TEX10: variants seen among roughly 807,000 people sequenced by gnomAD.
TEX10 encodes the protein testis expressed 10.
Under a neutral mutation model 104.4 loss-of-function variants are expected in TEX10, and 24 were observed. The ratio of observed to expected loss-of-function variants is 0.23; its 90% CI spans 0.17 to 0.32. The LOEUF (loss-of-function observed/expected upper bound fraction) is 0.32. Ranked by LOEUF, TEX10 falls within the 10% of genes least tolerant of loss-of-function variation. TEX10 has a pLI of 1.00. For synonymous variants in TEX10, 396 were observed against 393.4 expected, an observed-to-expected ratio of 1.01 and a Z score of -0.08; for missense variants, 921 against 1,083.9, an observed-to-expected ratio of 0.85 and a Z score of 2.11.
intron 5 of TEX10, among the ~76,000 whole-genome samples, chr9:100,334,754 T>C (rs1238215955): frequency 6.6e-6 from 1 of 150,844 alleles, no homozygotes; most frequent in East Asian, 2.0e-4. Flanking sequence ...AACCTCCACC[T>C]CTGGGCTTCA....
chr9:100,319,624 G>A (rs1269761715), intron 11 of TEX10, among the ~76,000 whole-genome samples: 1 of 151,852 alleles, frequency 6.6e-6, no homozygotes, highest in Non-Finnish European at 1.5e-5. Flanking sequence ...GGCCAACATA[G>A]TAAAACCCCG....
At chr9:100,310,869 T>C (rs1278146013) in intron 11 of TEX10, among the ~76,000 whole-genome samples, 1 of 152,192 alleles carries the variant, frequency 6.6e-6, no homozygotes, top group East Asian at 1.9e-4. Context: ...ATAATTCATC[T>C]ACTAATCATA....
Position 100,346,114 on chromosome 9 carries a change from A to G in TEX10, c.1095T>C (p.Leu365=). 1 of 1,614,014 alleles carries G rather than the reference A, an allele frequency of 6.2e-7. No individual in the cohort carries two copies. Among genetic ancestry groups the G allele is most frequent in the Non-Finnish European group, 8.5e-7 (1 of 1,179,928 alleles). Residue 365 remains leucine (L), a synonymous_variant, in exon 4 of 15, where the codon CTT becomes CTC. Coordinates refer to ENST00000374902, the MANE Select transcript of TEX10 (RefSeq NM_017746.4). ...CCTGTTGTTTAGAGAGTTTCCACAG[A>G]AGGGAAATAATATTAAGAACTTGCT... ...VMQQVLNIIS[L]LWKLSKQQDE...
At position 100,302,238 on chromosome 9, in the gene TEX10, T is replaced by C; in HGVS notation, c.2743A>G (p.Ile915Val). The C allele has an allele frequency of 6.2e-7, 1 of 1,613,600 alleles. No individual in the cohort carries two copies. Among genetic ancestry groups the C allele is most frequent in the Non-Finnish European group, 8.5e-7 (1 of 1,179,692 alleles). Residue 915 changes from isoleucine to valine, a missense_variant, in exon 15 of 15, where the codon ATC (isoleucine) becomes GTC (valine). By Grantham distance (29) the Ile-to-Val change is conservative. Coordinates refer to ENST00000374902, the MANE Select transcript of TEX10 (RefSeq NM_017746.4). The part of the protein sequence containing the change: ...TDLHYCFNVY[I>V]TGHPQGPSAL... The stretch of plus-strand genomic sequence containing the variant: ...CTGGGCCCTTGGGGATGCCCAGTGA[T>C]ATACACGTTGAAGCAGTAATGTAAG...
chr9:100,329,474 T>C (rs1257744612), intron 6 of TEX10, among the ~76,000 whole-genome samples, 199 bp from the exon 7 acceptor site: 1 of 152,176 alleles, frequency 6.6e-6, no homozygotes, highest in Non-Finnish European at 1.5e-5. Flanking sequence ...AGTATAAATT[T>C]TCTTAACAAC....
intron 4 of TEX10, among the ~76,000 whole-genome samples, chr9:100,345,680 C>T (rs1835282966): frequency 6.6e-6 from 1 of 152,116 alleles, no homozygotes; most frequent in African/African-American, 2.4e-5. Context: ...TTCTACTAAA[C>T]CTGGCAATGT....
At chr9:100,313,930 AT>A (rs1316829858) in intron 11 of TEX10, among the ~76,000 whole-genome samples, 1 of 151,702 alleles carries the variant, frequency 6.6e-6, no homozygotes, top group African/African-American at 2.4e-5. Flanking sequence ...GTATCACGTG[AT>A]ACTGGTGTCA....
chr9:100,348,458 C>G (rs1291431753), intron 2 of TEX10, among the ~76,000 whole-genome samples: 4 of 152,204 alleles, frequency 2.6e-5, no homozygotes, highest in African/African-American at 9.6e-5. Flanking sequence ...TTAAGCAACA[C>G]TTCTCAAACT....
At chr9:100,352,332 G>C in intron 1 of TEX10, 1 of 1,548,458 alleles carries the variant, frequency 6.5e-7, no homozygotes, top group South Asian at 1.2e-5. Flanking sequence ...TAACTCTCCC[G>C]CCTGGGCGAC....
At chr9:100,302,676 A>G (rs1834022616) in intron 14 of TEX10, among the ~76,000 whole-genome samples, 1 of 151,992 alleles carries the variant, frequency 6.6e-6, no homozygotes, top group Non-Finnish European at 1.5e-5. Context: ...CCAACCAACA[A>G]TTTCTGTCAA....
rs1333089865 is a variant in TEX10 at position 100,347,371 on chromosome 9, C to T, written c.216G>A (p.Gly72=). The T allele has an allele frequency of 1.9e-6, 3 of 1,607,668 alleles. No homozygotes were observed. The highest frequency in any genetic ancestry group is 2.5e-6 in the Non-Finnish European group (3 of 1,177,024). Residue 72 remains glycine (G), a synonymous_variant, in exon 3 of 15, where the codon GGG becomes GGA. Transcript: ENST00000374902. ...GTCCAAGAAGAGCACTTTGTTTAAC[C>T]CCAGCATTGTAGTGATGCATCTGTG... ...LLSQMHHYNA[G]VKQSALLGLK...
intron 1 of TEX10, among the ~76,000 whole-genome samples, chr9:100,351,829 A>C (rs1364004613): frequency 6.6e-6 from 1 of 152,226 alleles, no homozygotes; most frequent in Non-Finnish European, 1.5e-5. Context: ...CTAGTAATTG[A>C]CTTTAACTTA....
chr9:100,342,869 C>T (rs757777191), intron 4 of TEX10, among the ~76,000 whole-genome samples: 14 of 152,046 alleles, frequency 9.2e-5, no homozygotes, highest in Non-Finnish European at 1.6e-4. Flanking sequence ...CTATATCGGC[C>T]GGGCGCGTTG....
At chr9:100,322,627 T>A (rs770358762) in intron 9 of TEX10, among the ~76,000 whole-genome samples, 127 of 152,084 alleles carry the variant, frequency 8.4e-4, no homozygotes, top group Non-Finnish European at 1.1e-3. Flanking sequence ...ATATATATAT[T>A]TTTTGGGGGG....
intron 11 of TEX10, among the ~76,000 whole-genome samples, chr9:100,318,266 T>C (rs899401005): frequency 3.9e-5 from 6 of 152,324 alleles, no homozygotes; most frequent in African/African-American, 1.2e-4. Context: ...TTACACACAA[T>C]GAAATACTAT....
chr9:100,338,273 T>A (rs551319590), intron 5 of TEX10, among the ~76,000 whole-genome samples: 28 of 152,278 alleles, frequency 1.8e-4, no homozygotes, highest in Non-Finnish European at 2.5e-4. Flanking sequence ...CATAGCAGAC[T>A]CCAGTTTGTA....
intron 13 of TEX10, chr9:100,306,585 C>T (rs771741123): frequency 6.6e-6 from 1 of 152,214 alleles, no homozygotes; most frequent in African/African-American, 2.4e-5. Flanking sequence ...CTGGCCAGCA[C>T]TTGTGAAATC....
intron 5 of TEX10, 60 bp from the exon 6 acceptor site, chr9:100,330,229 A>C (rs1416878014): frequency 8.4e-7 from 1 of 1,196,422 alleles, no homozygotes; most frequent in African/African-American, 1.5e-5. Context: ...GCTTCATTAG[A>C]ATACTTAAAA....
At position 100,346,862 on chromosome 9, in the gene TEX10, G is replaced by A. The variant is rs1835312048; in HGVS notation, c.725C>T (p.Ser242Phe). The A allele has an allele frequency of 6.2e-7, 1 of 1,613,948 alleles. No individual in the cohort carries two copies. The highest frequency in any genetic ancestry group is 8.5e-7 in the Non-Finnish European group (1 of 1,180,014). ...TCCTTCACTTTCTCTCAACCTACTG[G>A]ATCCATCTGCCAAGGCCTGAAGGAA... ...SKFLQALADG[S>F]SRLRESEGLQ... The change falls in exon 3 of 15, where the codon TCC becomes TTC. Residue 242 changes from serine (S) to phenylalanine (F), a missense_variant. Coordinates refer to ENST00000374902, the MANE Select transcript of TEX10 (RefSeq NM_017746.4).
Sources: gnomAD v4.1 joint callset for allele counts (sites outside exome capture counted in the v4.1 genomes callset) on GRCh38, gnomAD v4.1.1 for gene constraint, MANE v1.5 for transcripts, NCBI Gene and HGNC (gene_info 2026-07-23, HGNC 2026-07-21) for gene names.